The following ARID4B variants were observed in gnomAD, a reference collection of about 807,000 sequenced individuals.
ARID4B encodes the protein AT-rich interaction domain 4B.
In ARID4B, 26 loss-of-function variants were observed where a neutral mutation model predicts 147.5. The observed-to-expected ratio is 0.18, with a 90% CI of 0.13 to 0.24. The LOEUF (loss-of-function observed/expected upper bound fraction) is 0.24, where lower values mean the gene tolerates loss of function less well. Among genes scored for constraint, ARID4B ranks in the 10% least tolerant of loss-of-function variants. The probability of loss-of-function intolerance (pLI) is 1.00; values close to 1 mark genes in which losing one functional copy is unlikely to be tolerated. For missense variants in ARID4B, 1,179 were observed against 1,511.5 expected (o/e 0.78, Z 3.65); for synonymous variants, 512 against 507.9 (o/e 1.01, Z -0.11).
At chr1:235,223,099 G>C (rs1667577107) in intron 13 of ARID4B, 67 bp downstream of exon 13, 1 of 1,063,866 alleles carries the variant, frequency 9.4e-7, no homozygotes. Flanking sequence ...AACAATTTCA[G>C]AGATGGCAGA....
chr1:235,252,714 T>C lies in ARID4B; in HGVS notation c.354+16A>G. On this transcript the variant is annotated intron_variant, in intron 6 of 23. Coordinates refer to ENST00000264183, the MANE Select transcript of ARID4B (RefSeq NM_016374.6). ...AAAAATATTAAGACATGTTCATTTGTTAAATGATGACTTACTTCACTTTCA... is the reference window on the plus strand; with the variant it reads ...AAAAATATTAAGACATGTTCATTTGCTAAATGATGACTTACTTCACTTTCA... 4 of 1,604,068 alleles carry C rather than the reference T, an allele frequency of 2.5e-6. No homozygotes were observed. The highest frequency in any genetic ancestry group is 3.4e-6 in the Non-Finnish European group (4 of 1,174,490).
intron 23 of ARID4B, among the ~76,000 whole-genome samples, chr1:235,171,689 G>T (rs1315277797): frequency 6.6e-6 from 1 of 151,876 alleles, no homozygotes; most frequent in East Asian, 1.9e-4. Flanking sequence ...GCCCAGGCTG[G>T]AGTGCAATGG....
rs770390558 is a variant in ARID4B at position 235,229,273 on chromosome 1, TTCC to T, written c.852_854del (p.Glu285del). 4 of 1,612,596 alleles carry T rather than the reference TTCC, an allele frequency of 2.5e-6. No homozygotes were observed. Among genetic ancestry groups the T allele is most frequent in the South Asian group, 1.1e-5 (1 of 91,008 alleles). The stretch of plus-strand genomic sequence containing the variant: ...TATCCTCCTTTTCTTTTTCATCATC[TTCC>T]TCCTCCTCTTCTTCCTCTGCTTCAC... On this transcript the variant is annotated inframe_deletion, in exon 11 of 24. Coordinates refer to ENST00000264183, the MANE Select transcript of ARID4B (RefSeq NM_016374.6).
At chr1:235,176,291 GA>G (rs1244144033) in intron 21 of ARID4B, among the ~76,000 whole-genome samples, 3 of 151,510 alleles carry the variant, frequency 2.0e-5, no homozygotes, top group Non-Finnish European at 4.4e-5. Flanking sequence ...GCTCTCTTAG[GA>G]AATGTCATTT....
intron 2 of ARID4B, among the ~76,000 whole-genome samples, chr1:235,285,899 T>C (rs1446997590): frequency 3.3e-5 from 5 of 152,238 alleles, no homozygotes; most frequent in African/African-American, 1.2e-4. Context: ...TTCTAACTAG[T>C]AAATCAGGAT....
intron 17 of ARID4B, among the ~76,000 whole-genome samples, chr1:235,204,992 T>C (rs148333288): frequency 4.6e-5 from 7 of 152,332 alleles, no homozygotes; most frequent in East Asian, 1.9e-4. Context: ...CACTCTCTTT[T>C]AATACAAACT....
At chr1:235,320,753 C>T (rs1489889486) in intron 2 of ARID4B, among the ~76,000 whole-genome samples, 4 of 152,170 alleles carry the variant, frequency 2.6e-5, no homozygotes, top group South Asian at 2.1e-4. Context: ...ATGTATCACA[C>T]TCAAACATGC....
rs564240344 is a variant in ARID4B, at chr1:235,291,344, G to A, written c.7-30592C>T. ...AATGGCGTGAACTTGGGAGGCAGAG[G>A]TTGCGGTGAGCTGAGATCGCACCAC... On this transcript the variant is annotated intron_variant, in intron 2 of 23. Transcript: ENST00000264183. Among the ~76,000 whole-genome samples, 19 of 152,144 alleles carry A rather than the reference G, an allele frequency of 1.2e-4. No homozygotes were observed. The South Asian group carries it at 3.9e-3, about 32-fold the overall frequency.
intron 17 of ARID4B, among the ~76,000 whole-genome samples, chr1:235,205,170 T>C (rs1458910171): frequency 6.6e-6 from 1 of 152,058 alleles, no homozygotes; most frequent in Non-Finnish European, 1.5e-5. Context: ...TCAATATTCC[T>C]AAATCCAATG....
intron 7 of ARID4B, among the ~76,000 whole-genome samples, chr1:235,242,962 T>C (rs945570865): frequency 6.6e-6 from 1 of 152,196 alleles, no homozygotes; most frequent in African/African-American, 2.4e-5. Flanking sequence ...TTTATCATAC[T>C]ATATAATTTA....
In ARID4B at chr1:235,168,597, A is replaced by T. The variant is rs1466812351; in HGVS notation, c.3867T>A (p.Ala1289=). The change falls in exon 24 of 24, where the codon GCT becomes GCA. Residue 1289 remains alanine (A), a synonymous_variant. Transcript: ENST00000264183. ...SSPSSSSITA[A]VMLTLAEPSM... is the part of the protein sequence containing the mutation. Reference sequence around the variant, plus strand: ...ACGGTTCAGCTAAAGTTAACATAACAGCAGCTGTTATGGAACTGGATGAAG... The same window carrying T: ...ACGGTTCAGCTAAAGTTAACATAACTGCAGCTGTTATGGAACTGGATGAAG... 3 of 1,614,146 alleles carry T rather than the reference A, an allele frequency of 1.9e-6. No individual in the cohort carries two copies. The highest frequency in any genetic ancestry group is 2.5e-6 in the Non-Finnish European group (3 of 1,180,000).
At chr1:235,252,328 G>A (rs1272019641) in intron 6 of ARID4B, among the ~76,000 whole-genome samples, 3 of 152,174 alleles carry the variant, frequency 2.0e-5, no homozygotes, top group Non-Finnish European at 4.4e-5. Flanking sequence ...AGAGGAAAGG[G>A]CATAATAATA....
chr1:235,224,853 A>T (rs968282652), intron 11 of ARID4B, 78 bp from the exon 12 acceptor site: 6 of 959,808 alleles, frequency 6.3e-6, no homozygotes, highest in African/African-American at 1.7e-5. Flanking sequence ...TACCAATAGC[A>T]AAGACTAGTG....
chr1:235,172,910 T>C, intron 22 of ARID4B, 146 bp from the exon 23 acceptor site: 2 of 621,844 alleles, frequency 3.2e-6, no homozygotes, highest in Non-Finnish European at 5.2e-6. Context: ...TTTTCCAAAT[T>C]TTTTATCTAG....
intron 7 of ARID4B, among the ~76,000 whole-genome samples, chr1:235,244,903 C>T (rs1669206012): frequency 6.6e-6 from 1 of 152,076 alleles, no homozygotes; most frequent in Non-Finnish European, 1.5e-5. Flanking sequence ...GAAATGTAAT[C>T]AAGGAGATGG....
At chr1:235,261,151 T>C (rs1044905948) in intron 2 of ARID4B, among the ~76,000 whole-genome samples, 5 of 152,136 alleles carry the variant, frequency 3.3e-5, no homozygotes, top group Admixed American at 3.3e-4. Flanking sequence ...AATCTTCTAA[T>C]ATTTAGGCTG....
At chr1:235,317,659 G>T (rs1674531892) in intron 2 of ARID4B, among the ~76,000 whole-genome samples, 1 of 151,906 alleles carries the variant, frequency 6.6e-6, no homozygotes, top group South Asian at 2.1e-4. Flanking sequence ...TCCAATTTTA[G>T]AACGAAAATT....
chr1:235,225,173 A>C (rs1025178951), intron 11 of ARID4B, among the ~76,000 whole-genome samples: 10 of 152,230 alleles, frequency 6.6e-5, no homozygotes, highest in African/African-American at 2.4e-4. Flanking sequence ...GTTAAACATC[A>C]AAACTAATTC....
chr1:235,246,639 C>T lies in ARID4B; in HGVS notation c.355-128G>A, dbSNP rs972434648. The T allele has an allele frequency of 5.3e-5, 32 of 604,328 alleles. No individual in the cohort carries two copies. In the Admixed American group the frequency reaches 9.0e-4, roughly 17 times the overall value. 37.4% of individuals were successfully genotyped at this position (604,328 alleles called of 1,614,324 possible). On this transcript the variant is annotated intron_variant, in intron 6 of 23. Coordinates refer to ENST00000264183, the MANE Select transcript of ARID4B (RefSeq NM_016374.6). ...AACTCTCCCCCCAGGGAAGCTAAAA[C>T]ACAGCTTTCCTAAAGATAGAAAATT...
Sources: gnomAD v4.1 joint callset for allele counts (sites outside exome capture counted in the v4.1 genomes callset) on GRCh38, gnomAD v4.1.1 for gene constraint, MANE v1.5 for transcripts, NCBI Gene and HGNC (gene_info 2026-07-23, HGNC 2026-07-21) for gene names.